Variants in PAX7 observed in about 807,000 individuals in gnomAD.
The protein encoded by PAX7 is paired box 7.
Under a neutral mutation model 50.7 loss-of-function variants are expected in PAX7, and 18 were observed. The ratio of observed to expected loss-of-function variants is 0.36; its 90% confidence interval spans 0.25 to 0.53. The LOEUF is 0.53. Ranked by LOEUF, PAX7 falls within the 20% of genes least tolerant of loss-of-function variation. PAX7 has a pLI of 0.93. For synonymous variants in PAX7, 310 were observed against 290.4 expected (o/e 1.07, Z -0.69); for missense variants, 644 against 702.9 (o/e 0.92, Z 0.95).
chr1:18,696,977 T>G (rs1452185496), intron 5 of PAX7, among the ~76,000 whole-genome samples: 2 of 152,156 alleles, frequency 1.3e-5, no homozygotes, highest in African/African-American at 4.8e-5. Flanking sequence ...ATGTGATTAT[T>G]ATACATTATA....
chr1:18,733,962 T>C (rs2089679305), intron 7 of PAX7, among the ~76,000 whole-genome samples: 1 of 151,954 alleles, frequency 6.6e-6, no homozygotes, highest in South Asian at 2.1e-4. Flanking sequence ...GGCTTTTGGG[T>C]TGGGAGAGTC....
At chr1:18,744,738 A>G (rs1387739453) in intron 8 of PAX7, 76 bp from the exon 9 acceptor site, 4 of 753,318 alleles carry the variant, frequency 5.3e-6, no homozygotes, top group Non-Finnish European at 2.4e-6. Flanking sequence ...GGATGGATGG[A>G]TGGGTGTAGA....
chr1:18,675,649 A>G (rs545353572), intron 4 of PAX7, among the ~76,000 whole-genome samples: 1 of 152,334 alleles, frequency 6.6e-6, no homozygotes, highest in African/African-American at 2.4e-5. Context: ...CTTAGCCAGG[A>G]AGCCGAAATG....
At chr1:18,721,831 A>G (rs2089498785) in intron 7 of PAX7, among the ~76,000 whole-genome samples, 1 of 152,246 alleles carries the variant, frequency 6.6e-6, no homozygotes, top group African/African-American at 2.4e-5. Flanking sequence ...GAAGCAGACC[A>G]TGGTTACTTC....
In PAX7 at chr1:18,727,029, A is replaced by G. The variant is rs2236810; in HGVS notation, c.1156-8603A>G. Among the ~76,000 whole-genome samples, 1,393 of 152,278 alleles carry G rather than the reference A, an allele frequency of 9.1e-3. 79 individuals are homozygous for G. The East Asian group carries it at 0.16, about 18-fold the overall frequency. ...ATGTGCAGTGCTCACATGCACACACACCATGCACACACAGTAGTAGATACT... is the reference window on the plus strand; with the variant it reads ...ATGTGCAGTGCTCACATGCACACACGCCATGCACACACAGTAGTAGATACT... On this transcript the variant is annotated intron_variant, in intron 7 of 8. Coordinates refer to ENST00000420770, the MANE Select transcript of PAX7 (RefSeq NM_001135254.2).
intron 4 of PAX7, among the ~76,000 whole-genome samples, chr1:18,653,805 C>A (rs1193124478): frequency 6.6e-6 from 1 of 151,928 alleles, no homozygotes; most frequent in Non-Finnish European, 1.5e-5. Flanking sequence ...ACCAGGGCTG[C>A]CTTCAGAGTC....
intron 4 of PAX7, among the ~76,000 whole-genome samples, chr1:18,686,247 G>A (rs769023067): frequency 1.3e-5 from 2 of 152,218 alleles, no homozygotes; most frequent in Non-Finnish European, 2.9e-5. Flanking sequence ...GGTAGGAGCT[G>A]CAATTCTCCT....
intron 4 of PAX7, among the ~76,000 whole-genome samples, chr1:18,641,010 G>T (rs1272051865): frequency 6.6e-6 from 1 of 152,268 alleles, no homozygotes; most frequent in East Asian, 1.9e-4. Context: ...GAGAGAGGGG[G>T]AGGCGGGAGC....
At chr1:18,728,069 C>T (rs907173727) in intron 7 of PAX7, among the ~76,000 whole-genome samples, 1 of 152,138 alleles carries the variant, frequency 6.6e-6, no homozygotes, top group African/African-American at 2.4e-5. Context: ...TTGCACTAAT[C>T]CCAGTGTGGG....
intron 4 of PAX7, among the ~76,000 whole-genome samples, chr1:18,672,637 G>A (rs1016142087): frequency 2.8e-5 from 4 of 140,386 alleles, no homozygotes; most frequent in Non-Finnish European, 6.0e-5. Context: ...AGTCTCGCTC[G>A]CTCTGTCGCC....
intron 4 of PAX7, among the ~76,000 whole-genome samples, chr1:18,683,138 C>A (rs1267594424): frequency 1.3e-5 from 2 of 152,196 alleles, no homozygotes; most frequent in South Asian, 2.1e-4. Flanking sequence ...CCACCCATCT[C>A]CCCTGCACCC....
In PAX7 at chr1:18,726,079, T is replaced by C. The variant is rs528775524; in HGVS notation, c.1156-9553T>C. Among the ~76,000 whole-genome samples the C allele has an allele frequency of 6.6e-6, 1 of 151,728 alleles. No homozygotes were observed. Among genetic ancestry groups the C allele is most frequent in the African/African-American group, 2.4e-5 (1 of 41,326 alleles). ...TCTTGGACAATAAGTGGAATGCCAT[T>C]CTGTTCCTCCCTCCGCCCCCACCTC... On this transcript the variant is annotated intron_variant, in intron 7 of 8. Coordinates refer to ENST00000420770, the MANE Select transcript of PAX7 (RefSeq NM_001135254.2). The surrounding 1 kb of genome is among the most constrained non-coding windows in gnomAD (Gnocchi z 4.8).
intron 5 of PAX7, among the ~76,000 whole-genome samples, chr1:18,695,666 C>T (rs572572583): frequency 1.7e-4 from 26 of 152,310 alleles, no homozygotes; most frequent in African/African-American, 6.3e-4. Flanking sequence ...CAGGAGAACC[C>T]ATGCCTGGGG....
intron 5 of PAX7, among the ~76,000 whole-genome samples, chr1:18,695,979 G>A (rs1238338059): frequency 6.6e-6 from 1 of 152,028 alleles, no homozygotes; most frequent in Admixed American, 6.6e-5. Flanking sequence ...AAATCCCATT[G>A]TGGAAGCACT....
intron 2 of PAX7, 74 bp from the exon 3 acceptor site, chr1:18,635,037 G>A: frequency 1.3e-6 from 2 of 1,562,770 alleles, no homozygotes; most frequent in Non-Finnish European, 8.7e-7. Flanking sequence ...GGGCTCTTAA[G>A]AGGTGATATT....
At chr1:18,725,792 G>A (rs1030913934) in intron 7 of PAX7, among the ~76,000 whole-genome samples, 16 of 152,066 alleles carry the variant, frequency 1.1e-4, no homozygotes, top group African/African-American at 1.4e-4. Context: ...TCACTACACC[G>A]TTAGCACCAG....
At chr1:18,637,508 T>C (rs2100425491) in intron 4 of PAX7, among the ~76,000 whole-genome samples, 1 of 152,316 alleles carries the variant, frequency 6.6e-6, no homozygotes, top group African/African-American at 2.4e-5. Flanking sequence ...CCCTGGAACC[T>C]GAAAGCTTGC....
At chr1:18,662,697 A>T (rs2088617225) in intron 4 of PAX7, among the ~76,000 whole-genome samples, 1 of 152,094 alleles carries the variant, frequency 6.6e-6, no homozygotes, top group Non-Finnish European at 1.5e-5. Flanking sequence ...CAGCCTCCCG[A>T]GTAGCTGGGG....
chr1:18,638,969 A>G (rs889042413), intron 4 of PAX7, among the ~76,000 whole-genome samples: 5 of 152,182 alleles, frequency 3.3e-5, no homozygotes, highest in Non-Finnish European at 4.4e-5. Context: ...GTGCACACCC[A>G]CAACTTTGTT....
Sources: allele counts gnomAD v4.1 joint callset (sites outside exome capture counted in the v4.1 genomes callset), GRCh38; gene constraint gnomAD v4.1.1; non-coding constraint Gnocchi (gnomAD v3.1); transcripts MANE v1.5; gene names NCBI Gene and HGNC (gene_info 2026-07-23, HGNC 2026-07-21).